RAPGEF6: variants seen among roughly 807,000 people sequenced by gnomAD.
RAPGEF6 encodes Rap guanine nucleotide exchange factor 6.
In RAPGEF6, 56 loss-of-function variants were observed where a neutral mutation model predicts 171.4. The ratio of observed to expected loss-of-function variants is 0.33; its 90% CI spans 0.26 to 0.41. RAPGEF6 has a LOEUF of 0.41. Ranked by LOEUF, RAPGEF6 falls within the 10% of genes least tolerant of loss-of-function variation. The pLI is 1.00. For missense variants in RAPGEF6, 1,674 were observed against 1,921.4 expected (o/e 0.87, Z 2.41); for synonymous variants, 692 against 650.1 (o/e 1.06, Z -0.98).
At chr5:131,452,028 C>T (rs191259202) in intron 21 of RAPGEF6, among the ~76,000 whole-genome samples, 2,292 of 152,080 alleles carry the variant, frequency 0.015, 51 homozygotes, top group East Asian at 0.1. Flanking sequence ...GTCAGGAGAT[C>T]GAGACCACGG....
chr5:131,616,673 C>T (rs1033058098), intron 1 of RAPGEF6, among the ~76,000 whole-genome samples: 4 of 152,176 alleles, frequency 2.6e-5, no homozygotes, highest in Non-Finnish European at 4.4e-5. Context: ...CGCTATGTTG[C>T]CCAGGCTGGA....
chr5:131,538,687 T>C (rs1759936919), intron 6 of RAPGEF6, among the ~76,000 whole-genome samples: 1 of 152,210 alleles, frequency 6.6e-6, no homozygotes, highest in Non-Finnish European at 1.5e-5. Flanking sequence ...AAATTTTAAG[T>C]GACAGTAGCT....
At chr5:131,582,152 G>T (rs1411327278) in intron 4 of RAPGEF6, among the ~76,000 whole-genome samples, 1 of 152,192 alleles carries the variant, frequency 6.6e-6, no homozygotes, top group African/African-American at 2.4e-5. Context: ...AGCCTGCTCA[G>T]ATGGTCTCTT....
At chr5:131,508,765 A>T (rs1580938472) in intron 8 of RAPGEF6, among the ~76,000 whole-genome samples, 2 of 152,344 alleles carry the variant, frequency 1.3e-5, no homozygotes, top group Non-Finnish European at 2.9e-5. Context: ...TAAATATAAG[A>T]AACACATATA....
At chr5:131,487,869 C>T (rs1756025765) in intron 15 of RAPGEF6, among the ~76,000 whole-genome samples, 1 of 152,148 alleles carries the variant, frequency 6.6e-6, no homozygotes, top group Admixed American at 6.5e-5. Context: ...TTATTAGGGG[C>T]ATCACCACAT....
Position 131,502,503 on chromosome 5 carries a change from A to G in RAPGEF6, c.1254+2123T>C, listed in dbSNP as rs73786689. On this transcript the variant is annotated intron_variant, in intron 11 of 27. Coordinates refer to ENST00000509018, the MANE Select transcript of RAPGEF6 (RefSeq NM_016340.6). ...ACCATTGGTAGGACAACAGGTTGAC[A>G]TTGTGTGCCCTCTGAGTTTTGTGAA... Among the ~76,000 whole-genome samples the G allele has an allele frequency of 6.4e-3, 978 of 152,348 alleles. 8 individuals carry two copies. Among genetic ancestry groups the G allele is most frequent in the African/African-American group, 0.022 (916 of 41,584 alleles).
At chr5:131,521,901 T>C (rs1173401472) in intron 6 of RAPGEF6, among the ~76,000 whole-genome samples, 1 of 144,290 alleles carries the variant, frequency 6.9e-6, no homozygotes, top group Non-Finnish European at 1.5e-5. Flanking sequence ...ACTCTCTCTC[T>C]CTCTCACACA....
At chr5:131,562,329 T>G (rs780726022) in intron 4 of RAPGEF6, among the ~76,000 whole-genome samples, 5 of 152,082 alleles carry the variant, frequency 3.3e-5, no homozygotes, top group Non-Finnish European at 2.9e-5. Flanking sequence ...AACTGTCTAA[T>G]CTCAAATTTC....
In RAPGEF6 at chr5:131,435,902, A is replaced by G. The variant is rs1167718768; in HGVS notation, c.3746-2244T>C. 5.4e-6 allele frequency: 8 copies of G among 1,483,972 alleles called. No homozygotes were observed. In the African/African-American group the frequency reaches 9.8e-5, roughly 18 times the overall value. 91.9% of individuals were successfully genotyped at this position (1,483,972 alleles called of 1,614,324 possible). A position where few individuals can be genotyped will look rare whatever the true frequency, so the allele number is the denominator to read the frequency against. On this transcript the variant is annotated intron_variant, in intron 24 of 27. Transcript: ENST00000509018. ...ATGGTTTAATTTAAGCCATGTATAC[A>G]TTAATAACTGAAAACAAACTTAACA...
intron 11 of RAPGEF6, among the ~76,000 whole-genome samples, chr5:131,502,971 T>G (rs942731423): frequency 6.6e-6 from 1 of 152,086 alleles, no homozygotes; most frequent in African/African-American, 2.4e-5. Context: ...CCTAGCTAAT[T>G]TTTGTATTTT....
Position 131,427,299 on chromosome 5 carries a change from T to C in RAPGEF6, c.4781-8A>G. 1 of 1,597,008 alleles carries C rather than the reference T, an allele frequency of 6.3e-7. No individual in the cohort carries two copies. Reference sequence around the variant, plus strand: ...CTGAAACTTGTTCATTTTCTGAAAATAAAAAATATATAATTAACTGGCAGA... The same window carrying C: ...CTGAAACTTGTTCATTTTCTGAAAACAAAAAATATATAATTAACTGGCAGA... On this transcript the variant is annotated splice_polypyrimidine_tract_variant and splice_region_variant and intron_variant, in intron 27 of 27. Coordinates refer to ENST00000509018, the MANE Select transcript of RAPGEF6 (RefSeq NM_016340.6).
intron 6 of RAPGEF6, among the ~76,000 whole-genome samples, chr5:131,546,326 C>G (rs1581003836): frequency 6.6e-6 from 1 of 152,158 alleles, no homozygotes; most frequent in Non-Finnish European, 1.5e-5. Context: ...AAGGAAAAGG[C>G]CGGGCGCTGT....
chr5:131,446,334 G>T, intron 22 of RAPGEF6, 149 bp downstream of exon 22: 1 of 710,476 alleles, frequency 1.4e-6, no homozygotes, highest in Non-Finnish European at 2.3e-6. Context: ...TTCAGTCTGT[G>T]ATTAATTGGA....
chr5:131,590,969 G>A (rs1257354824), intron 4 of RAPGEF6, among the ~76,000 whole-genome samples: 3 of 151,948 alleles, frequency 2.0e-5, no homozygotes, highest in Non-Finnish European at 4.4e-5. Context: ...CAGGGAAAAG[G>A]AACAATGGCC....
At chr5:131,623,358 G>C (rs1580695669) in intron 1 of RAPGEF6, among the ~76,000 whole-genome samples, 1 of 151,528 alleles carries the variant, frequency 6.6e-6, no homozygotes, top group Non-Finnish European at 1.5e-5. Flanking sequence ...AATGAGAATA[G>C]TAATAGCACA....
rs115148651 is a variant in RAPGEF6 at position 131,457,545 on chromosome 5, C to A, written c.2865-1533G>T. Reference sequence around the variant, plus strand: ...CACATACAAGGCTAACTCCTGCTACCGTGGAATACTGCTGCATGGATCCAC... The same window carrying A: ...CACATACAAGGCTAACTCCTGCTACAGTGGAATACTGCTGCATGGATCCAC... On this transcript the variant is annotated intron_variant, in intron 19 of 27. Transcript: ENST00000509018. 6.0e-3 allele frequency among the ~76,000 whole-genome samples: 909 copies of A among 152,272 alleles called. 9 individuals are homozygous for A. The Middle Eastern group carries it at 0.071, about 12-fold the overall frequency.
At position 131,510,375 on chromosome 5, in the gene RAPGEF6, C is replaced by T; in HGVS notation, c.744G>A (p.Gly248=). The T allele has an allele frequency of 1.2e-6, 2 of 1,614,078 alleles. No homozygotes were observed. The highest frequency in any genetic ancestry group is 1.7e-6 in the Non-Finnish European group (2 of 1,180,018). The change falls in exon 8 of 28, where the codon GGG becomes GGA. Residue 248 remains glycine (G), a synonymous_variant. Transcript: ENST00000509018. ...EEIDRTDPLQ[G]RDLVRECLEK... ...CAAGACATTCTCGAACAAGATCTCG[C>T]CCCTGCAATGGATCTGTTCGATCAA...
chr5:131,558,969 G>A (rs1761420588), intron 5 of RAPGEF6, among the ~76,000 whole-genome samples: 1 of 152,074 alleles, frequency 6.6e-6, no homozygotes, highest in African/African-American at 2.4e-5. Flanking sequence ...TACATGATGA[G>A]GTTCAAATCC....
At chr5:131,633,709 T>G (rs1766457719) in intron 1 of RAPGEF6, among the ~76,000 whole-genome samples, 1 of 152,124 alleles carries the variant, frequency 6.6e-6, no homozygotes, top group Non-Finnish European at 1.5e-5. Flanking sequence ...CCAGCCTGGG[T>G]GACAGAGTGA....
Sources: allele counts gnomAD v4.1 joint callset (sites outside exome capture counted in the v4.1 genomes callset), GRCh38; gene constraint gnomAD v4.1.1; transcripts MANE v1.5; gene names NCBI Gene and HGNC (gene_info 2026-07-23, HGNC 2026-07-21).